BBS9: variants seen among roughly 807,000 people sequenced by gnomAD.
BBS9 encodes the protein Bardet-Biedl syndrome 9, also known as protein PTHB1.
Under a neutral mutation model 117.7 loss-of-function variants are expected in BBS9, and 89 were observed. The observed-to-expected ratio is 0.76, with a 90% confidence interval of 0.64 to 0.90. BBS9 has a LOEUF of 0.90. Among genes scored for constraint, BBS9 ranks in the 40% least tolerant of loss-of-function variants. BBS9 has a pLI of 0.00. For synonymous variants in BBS9, 379 were observed against 370.9 expected (o/e 1.02, Z -0.25); for missense variants, 982 against 1,042.2 (o/e 0.94, Z 0.80).
intron 5 of BBS9, among the ~76,000 whole-genome samples, chr7:33,254,826 T>C (rs1796772616): frequency 6.6e-6 from 1 of 152,182 alleles, no homozygotes; most frequent in South Asian, 2.1e-4. Flanking sequence ...CATGTTGTTG[T>C]AAATGGTAGG....
At chr7:33,623,686 A>G (rs556349517) in intron 21 of BBS9, among the ~76,000 whole-genome samples, 2 of 152,368 alleles carry the variant, frequency 1.3e-5, no homozygotes, top group African/African-American at 4.8e-5. Flanking sequence ...CTACACAGCA[A>G]CAAAAGTTAA....
intron 19 of BBS9, among the ~76,000 whole-genome samples, chr7:33,500,189 C>T (rs771233393): frequency 1.3e-5 from 2 of 152,132 alleles, no homozygotes; most frequent in South Asian, 4.1e-4. Context: ...TTTAAAGCTG[C>T]GACAGTAGGA....
intron 19 of BBS9, among the ~76,000 whole-genome samples, chr7:33,453,795 C>A (rs141571457): frequency 0.015 from 2,297 of 152,328 alleles, 21 homozygotes; most frequent in South Asian, 0.039. Flanking sequence ...GCTGGGATTA[C>A]AGGCATGAGC....
chr7:33,539,740 C>T (rs1376354), intron 21 of BBS9, among the ~76,000 whole-genome samples: 70,300 of 152,100 alleles, frequency 0.46, 16,865 homozygotes, highest in South Asian at 0.57. Context: ...GTCAACTGAA[C>T]TGACTGCCAG....
At chr7:33,471,367 T>A (rs1841012724) in intron 19 of BBS9, among the ~76,000 whole-genome samples, 2 of 152,206 alleles carry the variant, frequency 1.3e-5, no homozygotes, top group South Asian at 4.2e-4. Flanking sequence ...TCATTAGTAT[T>A]TCTTGTCTTA....
At chr7:33,266,205 C>T (rs763037027) in intron 7 of BBS9, among the ~76,000 whole-genome samples, 4 of 152,116 alleles carry the variant, frequency 2.6e-5, no homozygotes, top group South Asian at 2.1e-4. Flanking sequence ...TTTTTCCATT[C>T]GATTAGTGAA....
intron 19 of BBS9, among the ~76,000 whole-genome samples, chr7:33,391,339 C>T (rs1827038289): frequency 6.6e-6 from 1 of 152,078 alleles, no homozygotes; most frequent in Non-Finnish European, 1.5e-5. Context: ...GATCTGCTAC[C>T]TGTTTAGCGT....
At chr7:33,574,684 AACACACACACACACACACAC>A (rs371229936) in intron 21 of BBS9, among the ~76,000 whole-genome samples, 2 of 137,646 alleles carry the variant, frequency 1.5e-5, no homozygotes, top group South Asian at 2.5e-4. Flanking sequence ...AGTCATAGAA[AACACACACACACACACACAC>A]ACACACACAC....
chr7:33,427,844 G>C (rs1563162531), intron 19 of BBS9, among the ~76,000 whole-genome samples: 1 of 152,078 alleles, frequency 6.6e-6, no homozygotes, highest in African/African-American at 2.4e-5. Context: ...CTAAGCGTAG[G>C]ATATTTTCTT....
intron 20 of BBS9, among the ~76,000 whole-genome samples, chr7:33,513,164 G>A (rs1465194456): frequency 3.3e-5 from 5 of 152,010 alleles, no homozygotes; most frequent in Non-Finnish European, 5.9e-5. Flanking sequence ...GTGAACCATG[G>A]GTACACAGCT....
At chr7:33,517,040 T>C (rs1386255972) in intron 20 of BBS9, among the ~76,000 whole-genome samples, 1 of 152,234 alleles carries the variant, frequency 6.6e-6, no homozygotes, top group Non-Finnish European at 1.5e-5. Flanking sequence ...TTCTAACCTA[T>C]TGGGTCTGAA....
chr7:33,386,190 C>G (rs1416850810), intron 18 of BBS9, among the ~76,000 whole-genome samples: 1 of 151,748 alleles, frequency 6.6e-6, no homozygotes, highest in East Asian at 1.9e-4. Flanking sequence ...TAAATAAAGA[C>G]AAAATACATG....
At position 33,367,876 on chromosome 7, in the gene BBS9, T is replaced by C; in HGVS notation, c.1789+14T>C. 2 of 1,608,632 alleles carry C rather than the reference T, an allele frequency of 1.2e-6. No individual in the cohort carries two copies. Among genetic ancestry groups the C allele is most frequent in the Non-Finnish European group, 1.7e-6 (2 of 1,175,154 alleles). The stretch of plus-strand genomic sequence containing the variant: ...CCAAAACTTCTCGTAAGTAAAACCA[T>C]GTTATCATTGCTTTTTAAATTTTTT... On this transcript the variant is annotated intron_variant, in intron 17 of 22. Transcript: ENST00000242067.
rs185232665 is a variant in BBS9, at chr7:33,416,193, T to C, written c.2115+28049T>C. Reference sequence around the variant, plus strand: ...GCCAAAATTAAAATCTAGAAGACTTTTAAAAATTTCTCTTGAAAAATCAGT... The same window carrying C: ...GCCAAAATTAAAATCTAGAAGACTTCTAAAAATTTCTCTTGAAAAATCAGT... On this transcript the variant is annotated intron_variant, in intron 19 of 22. Coordinates refer to ENST00000242067, the MANE Select transcript of BBS9 (RefSeq NM_198428.3). Among the ~76,000 whole-genome samples, 26 of 151,976 alleles carry C rather than the reference T, an allele frequency of 1.7e-4. 1 individual carries two copies. The highest frequency in any genetic ancestry group is 5.1e-4 in the African/African-American group (21 of 41,424).
chr7:33,587,442 TA>T (rs1471450508), intron 21 of BBS9, among the ~76,000 whole-genome samples: 1 of 152,146 alleles, frequency 6.6e-6, no homozygotes, highest in African/African-American at 2.4e-5. Context: ...GATACCATTT[TA>T]AAAATTGTTT....
chr7:33,425,790 ATTTTAT>A (rs1484890890), intron 19 of BBS9, among the ~76,000 whole-genome samples: 3 of 152,176 alleles, frequency 2.0e-5, no homozygotes, highest in South Asian at 2.1e-4. Flanking sequence ...GCCTTGCTGT[ATTTTAT>A]TTTAGTGTTG....
intron 19 of BBS9, among the ~76,000 whole-genome samples, chr7:33,399,481 G>T (rs966300646): frequency 6.6e-6 from 1 of 152,172 alleles, no homozygotes; most frequent in Admixed American, 6.5e-5. Context: ...GGCATATCAC[G>T]TCATCTCTCT....
chr7:33,533,306 C>G (rs2129058392), intron 20 of BBS9, among the ~76,000 whole-genome samples: 1 of 152,308 alleles, frequency 6.6e-6, no homozygotes, highest in Middle Eastern at 3.4e-3. Context: ...CACACTGTTC[C>G]CAACAAAAGT....
intron 21 of BBS9, among the ~76,000 whole-genome samples, chr7:33,578,146 C>T (rs999530176): frequency 5.9e-5 from 9 of 152,116 alleles, no homozygotes; most frequent in Non-Finnish European, 1.3e-4. Context: ...TAATTTTATA[C>T]TATTATCATG....
Sources: allele counts gnomAD v4.1 joint callset (sites outside exome capture counted in the v4.1 genomes callset), GRCh38; gene constraint gnomAD v4.1.1; transcripts MANE v1.5; gene names NCBI Gene and HGNC (gene_info 2026-07-23, HGNC 2026-07-21).